The following ARPC4 variants were observed in gnomAD, a reference collection of about 807,000 sequenced individuals.
ARPC4 encodes actin-related protein 2/3 complex subunit 4.
Under a neutral mutation model 22.8 loss-of-function variants are expected in ARPC4, and 3 were observed. The observed-to-expected ratio is 0.13, with a 90% CI of 0.06 to 0.34. ARPC4 has a LOEUF of 0.34. ARPC4 is among the 10% of genes least tolerant of loss of function. The pLI, the probability that ARPC4 is intolerant of heterozygous loss-of-function variation, is 1.00. For synonymous variants in ARPC4, 80 were observed against 72.5 expected (o/e 1.10, Z -0.52); for missense variants, 98 against 211.0 (o/e 0.46, Z 3.32).
At position 9,802,401 on chromosome 3, in the gene ARPC4, A is replaced by G. The variant is rs1295868121; in HGVS notation, c.330+645A>G. ...CTCTTTTTTTTTTTCTTTGAGACGGAGTCTCGCTCTGTCGCCCAGGCTGGA... is the reference window on the plus strand; with the variant it reads ...CTCTTTTTTTTTTTCTTTGAGACGGGGTCTCGCTCTGTCGCCCAGGCTGGA... On this transcript the variant is annotated intron_variant, in intron 4 of 5. Transcript: ENST00000397261. 6.8e-5 allele frequency among the ~76,000 whole-genome samples: 10 copies of G among 146,718 alleles called. 1 individual carries two copies. Among genetic ancestry groups the G allele is most frequent in the Non-Finnish European group, 1.5e-4 (10 of 66,904 alleles).
At position 9,793,104 on chromosome 3, in the gene ARPC4, GC is replaced by G; in HGVS notation, c.-15del. On this transcript the variant is annotated 5_prime_UTR_variant, in exon 1 of 6. Transcript: ENST00000397261. ...GCCACTTCCGTACTTCCGCTTTCCGGCCCAGCCAGCGCCCGCGATGGTGAGA... is the reference window on the plus strand; with the variant it reads ...GCCACTTCCGTACTTCCGCTTTCCGGCCAGCCAGCGCCCGCGATGGTGAGA... 6.5e-7 allele frequency: 1 copy of G among 1,544,046 alleles called. No individual in the cohort carries two copies.
chr3:9,801,212 GAAAAAA>G (rs745696982), intron 3 of ARPC4, among the ~76,000 whole-genome samples: 1,198 of 66,436 alleles, frequency 0.018, 13 homozygotes, highest in African/African-American at 0.058. Flanking sequence ...TTCCATCTCA[GAAAAAA>G]AAAAAAAAAA....
chr3:9,793,093 T>G lies in ARPC4; in HGVS notation c.-29T>G. 4.5e-6 allele frequency: 7 copies of G among 1,545,488 alleles called. No individual in the cohort carries two copies. The South Asian group carries it at 8.3e-5, about 18-fold the overall frequency. On this transcript the variant is annotated 5_prime_UTR_variant, in exon 1 of 6. Transcript: ENST00000397261. ...TCGCGGGGCTGGCCACTTCCGTACT[T>G]CCGCTTTCCGGCCCAGCCAGCGCCC...
Position 9,797,672 on chromosome 3 carries a change from G to A in ARPC4, c.17G>A (p.Arg6His), listed in dbSNP as rs751354662. ...TATTTCCTATAGACTGCCACTCTCC[G>A]CCCCTACCTGAGTGCCGTGCGGGCC... is the stretch of plus-strand genomic sequence containing the variant. MTATLRPYLSAVRATL... is the reference protein window; with the variant it reads MTATLHPYLSAVRATL... The change falls in exon 2 of 6, where the codon CGC becomes CAC. Residue 6 changes from arginine to histidine, a missense_variant. Physicochemically the swap from Arg to His is conservative, Grantham distance 29. Coordinates refer to ENST00000397261, the MANE Select transcript of ARPC4 (RefSeq NM_005718.5). 12 of 1,613,724 alleles carry A rather than the reference G, an allele frequency of 7.4e-6. No individual in the cohort carries two copies. The highest frequency in any genetic ancestry group is 1.7e-5 in the Admixed American group (1 of 59,954).
intron 1 of ARPC4, 82 bp from the exon 2 acceptor site, chr3:9,797,577 T>A (rs2078922652): frequency 1.2e-5 from 18 of 1,497,756 alleles, no homozygotes; most frequent in Non-Finnish European, 1.7e-5. Context: ...GCTACCTGGC[T>A]TCATGGGAGC....
intron 4 of ARPC4, chr3:9,803,624 C>T: frequency 1.4e-6 from 1 of 706,100 alleles, no homozygotes. Flanking sequence ...ATGTCTGATA[C>T]ACACAGAATT....
At chr3:9,792,910 G>A, upstream of ARPC4, 2 of 1,398,062 alleles carry the variant, frequency 1.4e-6, no homozygotes, top group Admixed American at 3.3e-5. Context: ...ATAGTGACTC[G>A]AGTGCAAGAA....
rs146916765 is a variant in ARPC4, at chr3:9,800,866, G to A, written c.234+570G>A. Among the ~76,000 whole-genome samples, 316 of 152,300 alleles carry A rather than the reference G, an allele frequency of 2.1e-3. 8 individuals are homozygous for A. Among genetic ancestry groups the A allele is most frequent in the East Asian group, 0.013 (69 of 5,188 alleles). On this transcript the variant is annotated intron_variant, in intron 3 of 5. Coordinates refer to ENST00000397261, the MANE Select transcript of ARPC4 (RefSeq NM_005718.5). ...AATGGGAGGTTAACAAGTGTTGAGA[G>A]GTGTTAAGGGCATGCTAGCAACCAG...
At position 9,803,933 on chromosome 3, in the gene ARPC4, G is replaced by C. The variant is rs746495713; in HGVS notation, c.421G>C (p.Glu141Gln). The C allele has an allele frequency of 6.2e-7, 1 of 1,614,250 alleles. No individual in the cohort carries two copies. Among genetic ancestry groups the C allele is most frequent in the Non-Finnish European group, 8.5e-7 (1 of 1,180,040 alleles). The change falls in exon 5 of 6, where the codon GAG (glutamate) becomes CAG (glutamine). Residue 141 changes from glutamate to glutamine, a missense_variant. Coordinates refer to ENST00000397261, the MANE Select transcript of ARPC4 (RefSeq NM_005718.5). ...LVDFVIHFME[E>Q]IDKEISEMKL... ...GGACTTTGTGATCCACTTCATGGAGGAGATTGACAAGGAGATCAGTGAGAT... is the reference window on the plus strand; with the variant it reads ...GGACTTTGTGATCCACTTCATGGAGCAGATTGACAAGGAGATCAGTGAGAT...
chr3:9,806,450 G>A lies in ARPC4; in HGVS notation c.*235G>A. 1 of 591,246 alleles carries A rather than the reference G, an allele frequency of 1.7e-6. No individual in the cohort carries two copies. Among genetic ancestry groups the A allele is most frequent in the East Asian group, 2.8e-5 (1 of 35,314 alleles). The allele number at this position is 591,246 out of a possible 1,614,324, so 36.6% of individuals were successfully genotyped here. A position where few individuals can be genotyped will look rare whatever the true frequency, so the allele number is the denominator to read the frequency against. ...TTCTGATGTTCAGTCCCCTGGGCCG[G>A]GACAGATTTTTTTTAACGTCTTGAA... On this transcript the variant is annotated 3_prime_UTR_variant, in exon 6 of 6. Coordinates refer to ENST00000397261, the MANE Select transcript of ARPC4 (RefSeq NM_005718.5).
chr3:9,806,187 C>T lies in ARPC4; in HGVS notation c.502-23C>T. The T allele has an allele frequency of 3.7e-6, 6 of 1,613,650 alleles. No homozygotes were observed. The South Asian group carries it at 5.5e-5, about 15-fold the overall frequency. On this transcript the variant is annotated intron_variant, in intron 5 of 5. Coordinates refer to ENST00000397261, the MANE Select transcript of ARPC4 (RefSeq NM_005718.5). ...AGGATGCAATAATAACCACCATGCACTGCCTCTTGGTTCTCTTGACAGTTT... is the reference window on the plus strand; with the variant it reads ...AGGATGCAATAATAACCACCATGCATTGCCTCTTGGTTCTCTTGACAGTTT...
intron 1 of ARPC4, among the ~76,000 whole-genome samples, chr3:9,796,132 G>A (rs1186852817): frequency 3.3e-5 from 5 of 152,116 alleles, no homozygotes; most frequent in Non-Finnish European, 7.3e-5. Flanking sequence ...GTTGGCTCAC[G>A]CCTGTAATCC....
intron 4 of ARPC4, among the ~76,000 whole-genome samples, chr3:9,802,798 C>G (rs58816196): frequency 6.6e-6 from 1 of 151,730 alleles, no homozygotes; most frequent in Non-Finnish European, 1.5e-5. Context: ...CTCAGCCTCC[C>G]GAGTAGCTGG....
intron 1 of ARPC4, among the ~76,000 whole-genome samples, chr3:9,794,096 A>G (rs2078823474): frequency 6.6e-6 from 1 of 151,704 alleles, no homozygotes; most frequent in Non-Finnish European, 1.5e-5. Context: ...ATGCCTCTTG[A>G]TTTTTAAAAG....
At chr3:9,797,427 A>G (rs972099587) in intron 1 of ARPC4, among the ~76,000 whole-genome samples, 4 of 152,198 alleles carry the variant, frequency 2.6e-5, no homozygotes, top group Admixed American at 2.6e-4. Flanking sequence ...AAAGAAAGGA[A>G]ATGTCTCGAC....
At chr3:9,800,574 G>A (rs1040094664) in intron 3 of ARPC4, among the ~76,000 whole-genome samples, 33 of 151,996 alleles carry the variant, frequency 2.2e-4, no homozygotes, top group African/African-American at 8.0e-4. Flanking sequence ...ACAGGCATCC[G>A]CCACCACGCC....
intron 1 of ARPC4, among the ~76,000 whole-genome samples, chr3:9,796,491 T>A (rs1032566584): frequency 2.0e-5 from 3 of 152,316 alleles, no homozygotes; most frequent in African/African-American, 7.2e-5. Context: ...GAGGCCTTCC[T>A]TAATTAAGCT....
rs189892634 is a variant in ARPC4 at position 9,799,155 on chromosome 3, C to T, written c.123-1030C>T. Among the ~76,000 whole-genome samples the T allele has an allele frequency of 2.0e-5, 3 of 152,220 alleles. No individual in the cohort carries two copies. The East Asian group carries it at 5.8e-4, about 29-fold the overall frequency. On this transcript the variant is annotated intron_variant, in intron 2 of 5. Transcript: ENST00000397261. ...CTTTGTAACCTGAACTCATAGGGGT[C>T]TCAGAGGCAAATGAATCATTTCTGG... is the stretch of plus-strand genomic sequence containing the variant.
chr3:9,793,627 G>T (rs368724720), intron 1 of ARPC4, among the ~76,000 whole-genome samples: 2 of 152,154 alleles, frequency 1.3e-5, no homozygotes, highest in East Asian at 1.9e-4. Context: ...AGGATCTCTC[G>T]TGTTGCTTCC....
Sources: gnomAD v4.1 joint callset for allele counts (sites outside exome capture counted in the v4.1 genomes callset) on GRCh38, gnomAD v4.1.1 for gene constraint, MANE v1.5 for transcripts, NCBI Gene and HGNC (gene_info 2026-07-23, HGNC 2026-07-21) for gene names.